The following ACTR8 variants were observed in gnomAD, a reference collection of about 807,000 sequenced individuals.
ACTR8 encodes the protein actin-related protein 8.
Under a neutral mutation model 84.3 loss-of-function variants are expected in ACTR8, and 70 were observed. The ratio of observed to expected loss-of-function variants is 0.83; its 90% CI spans 0.68 to 1.01. ACTR8 has a LOEUF of 1.01. ACTR8 is among the 50% of genes least tolerant of loss of function. The pLI, the probability that ACTR8 is intolerant of heterozygous loss-of-function variation, is 0.00. For synonymous variants in ACTR8, 268 were observed against 275.2 expected, an observed-to-expected ratio of 0.97 and a Z score of 0.26; for missense variants, 672 against 775.4, an observed-to-expected ratio of 0.87 and a Z score of 1.58.
Position 53,874,221 on chromosome 3 carries a change from T to C in ACTR8, c.1055A>G (p.His352Arg). 1 of 1,613,160 alleles carries C rather than the reference T, an allele frequency of 6.2e-7. No homozygotes were observed. The highest frequency in any genetic ancestry group is 8.5e-7 in the Non-Finnish European group (1 of 1,179,690). The change falls in exon 8 of 13, where the codon CAT (histidine) becomes CGT (arginine). Residue 352 changes from histidine to arginine, a missense_variant. His to Arg is a conservative substitution (Grantham distance 29). Coordinates refer to ENST00000335754, the MANE Select transcript of ACTR8 (RefSeq NM_022899.5). ...LLQHLKETFC[H>R]LDQDISGLQD... ...TGATTCTGCTCCCACCTGATCTAAA[T>C]GACAAAAAGTTTCTTTAAGGTGTTG...
In ACTR8 at chr3:53,870,035, G is replaced by T. The variant is rs373952185; in HGVS notation, c.1678C>A (p.Pro560Thr). 6.2e-7 allele frequency: 1 copy of T among 1,614,158 alleles called. No homozygotes were observed. ...FLQHRILNKM[P>T]PSFRRIIENV... Reference sequence around the variant, plus strand: ...TCAATAATTCGCCTGAAGGATGGTGGCATTTTGTTGAGAATTCTGTGCTGC... The same window carrying T: ...TCAATAATTCGCCTGAAGGATGGTGTCATTTTGTTGAGAATTCTGTGCTGC... Residue 560 changes from proline (P) to threonine (T), a missense_variant, in exon 12 of 13, where the codon CCA (proline) becomes ACA (threonine). By Grantham distance (38) the Pro-to-Thr change is conservative (BLOSUM62 -1). Transcript: ENST00000335754. This position sits in a 1 kb window ranked among gnomAD's most constrained non-coding sequence, Gnocchi z 4.1.
In ACTR8 at chr3:53,868,326, G is replaced by A. The variant is rs1178463600; in HGVS notation, c.*393C>T. 6.1e-6 allele frequency: 1 copy of A among 163,362 alleles called. No homozygotes were observed. Among genetic ancestry groups the A allele is most frequent in the Non-Finnish European group, 1.3e-5 (1 of 75,928 alleles). 10.1% of individuals were successfully genotyped at this position (163,362 alleles called of 1,614,324 possible). A position where few individuals can be genotyped will look rare whatever the true frequency, so the allele number is the denominator to read the frequency against. On this transcript the variant is annotated 3_prime_UTR_variant, in exon 13 of 13. Coordinates refer to ENST00000335754, the MANE Select transcript of ACTR8 (RefSeq NM_022899.5). ...GACAAGAGAGAAAATGGCATGAGTG[G>A]ACAGTTCTCCCTCGTCACATACTAT...
chr3:53,876,498 G>A (rs778247084), intron 6 of ACTR8, 122 bp downstream of exon 6: 12 of 664,500 alleles, frequency 1.8e-5, no homozygotes, highest in East Asian at 1.3e-4. Context: ...CAGCCTGGGC[G>A]ACAGAGAGAG....
intron 1 of ACTR8, 46 bp from the exon 2 acceptor site, chr3:53,880,155 G>A: frequency 1.3e-6 from 2 of 1,565,478 alleles, no homozygotes; most frequent in Middle Eastern, 1.7e-4. Flanking sequence ...ATAATATGCA[G>A]GTAACAAAGT....
downstream of ACTR8, among the ~76,000 whole-genome samples, chr3:53,863,970 A>G (rs35041438): frequency 0.18 from 27,807 of 151,680 alleles, 3,205 homozygotes; most frequent in East Asian, 0.33. Flanking sequence ...CCACAGATGC[A>G]TGCCATCAAG....
chr3:53,860,841 C>T, the ACTR8 span: 7 of 152,124 alleles, frequency 4.6e-5, no homozygotes, highest in Non-Finnish European at 4.4e-5. Context: ...TCATTTCCTA[C>T]CATACCAATA....
rs1196020449 is a variant in ACTR8, at chr3:53,868,879, G to A, written c.1732-17C>T. On this transcript the variant is annotated splice_polypyrimidine_tract_variant and intron_variant, in intron 12 of 12. Coordinates refer to ENST00000335754, the MANE Select transcript of ACTR8 (RefSeq NM_022899.5). The stretch of plus-strand genomic sequence containing the variant: ...GTCCATGTCCTACAGAAGGGATGAA[G>A]GCATTTCAGCCTAATCACATAAGAC... The A allele has an allele frequency of 6.2e-7, 1 of 1,611,788 alleles. No individual in the cohort carries two copies. The highest frequency in any genetic ancestry group is 1.7e-4 in the Middle Eastern group (1 of 6,048).
At chr3:53,864,786 G>GC, downstream of ACTR8, 1 of 1,613,466 alleles carries the variant, frequency 6.2e-7, no homozygotes, top group Non-Finnish European at 8.5e-7. Context: ...CCACACTACT[G>GC]CCCCCCATTA....
chr3:53,859,975 A>T, the ACTR8 span: 1 of 559,094 alleles, frequency 1.8e-6, no homozygotes, highest in East Asian at 3.0e-5. Context: ...GCGCCACTGC[A>T]CTCCAGCCTA....
downstream of ACTR8, chr3:53,864,711 G>A (rs368914735): frequency 6.2e-4 from 917 of 1,478,180 alleles, 6 homozygotes; most frequent in South Asian, 5.4e-3. Flanking sequence ...GCTGTTTGCT[G>A]TTCACAGATA....
chr3:53,872,920 A>G, intron 9 of ACTR8, 112 bp downstream of exon 9: 1 of 857,552 alleles, frequency 1.2e-6, no homozygotes, highest in Non-Finnish European at 1.8e-6. Flanking sequence ...GATAATCTAC[A>G]ATCAGTTGAC....
In ACTR8 at chr3:53,869,952, C is replaced by T. The variant is rs761499842; in HGVS notation, c.1731+30G>A. 4.3e-6 allele frequency: 7 copies of T among 1,609,922 alleles called. No homozygotes were observed. The Admixed American group carries it at 6.7e-5, about 15-fold the overall frequency. On this transcript the variant is annotated intron_variant, in intron 12 of 12. Transcript: ENST00000335754. ...ATACAAGGCTGGTTTCATTTGCATACAGTCCAACTTGCACAATGAAACAAC... is the reference window on the plus strand; with the variant it reads ...ATACAAGGCTGGTTTCATTTGCATATAGTCCAACTTGCACAATGAAACAAC...
At chr3:53,879,736 A>G (rs1037647968) in intron 2 of ACTR8, among the ~76,000 whole-genome samples, 3 of 152,210 alleles carry the variant, frequency 2.0e-5, no homozygotes, top group Non-Finnish European at 2.9e-5. Context: ...TCCACACTCA[A>G]TTCACCCTGA....
intron 4 of ACTR8, 56 bp from the exon 5 acceptor site, chr3:53,877,443 CT>C (rs1699993295): frequency 2.0e-6 from 3 of 1,504,880 alleles, no homozygotes. Flanking sequence ...TCAAGGTTTT[CT>C]GGATTCATAT....
At chr3:53,871,616 C>T (rs963623688) in intron 10 of ACTR8, 120 bp from the exon 11 acceptor site, 1 of 1,148,206 alleles carries the variant, frequency 8.7e-7, no homozygotes, top group East Asian at 2.5e-5. Flanking sequence ...AGCAATACAA[C>T]AACTGCCCAG....
intron 1 of ACTR8, chr3:53,881,742 G>A (rs901182558): frequency 2.6e-5 from 16 of 620,394 alleles, no homozygotes; most frequent in African/African-American, 2.3e-4. Context: ...TGGGGCGTGC[G>A]GGAGATCGGA....
At chr3:53,873,156 A>T in intron 8 of ACTR8, 29 bp from the exon 9 acceptor site, 1 of 1,535,232 alleles carries the variant, frequency 6.5e-7, no homozygotes, top group African/African-American at 1.4e-5. Context: ...GCTGTCAGTG[A>T]ATCAGTAAGA....
At chr3:53,860,161 C>T in the ACTR8 span, 3 of 1,614,080 alleles carry the variant, frequency 1.9e-6, no homozygotes, top group Admixed American at 3.3e-5. Flanking sequence ...GGCTGCCTCT[C>T]CTCCTGCTGT....
chr3:53,872,256 CA>C, intron 10 of ACTR8, 127 bp downstream of exon 10: 1 of 1,095,678 alleles, frequency 9.1e-7, no homozygotes, highest in East Asian at 2.8e-5. Context: ...AGTTCATCTA[CA>C]ATTCTAAAAG....
Sources: allele counts gnomAD v4.1 joint callset (sites outside exome capture counted in the v4.1 genomes callset), GRCh38; gene constraint gnomAD v4.1.1; non-coding constraint Gnocchi (gnomAD v3.1); transcripts MANE v1.5; gene names NCBI Gene and HGNC (gene_info 2026-07-23, HGNC 2026-07-21).